Variants in PLEKHG7 observed in about 807,000 individuals in gnomAD.
The protein encoded by PLEKHG7 is pleckstrin homology domain-containing family G member 7.
In PLEKHG7, 77 loss-of-function variants were observed where a neutral mutation model predicts 85.2. The ratio of observed to expected loss-of-function variants is 0.90; its 90% CI spans 0.75 to 1.09. The LOEUF (loss-of-function observed/expected upper bound fraction) is 1.09, where lower values mean the gene tolerates loss of function less well. Among genes scored for constraint, PLEKHG7 ranks in the 50% least tolerant of loss-of-function variants. The pLI is 0.00. For missense variants in PLEKHG7, 777 were observed against 804.3 expected, an observed-to-expected ratio of 0.97 and a Z score of 0.41; for synonymous variants, 301 against 302.4, an observed-to-expected ratio of 1.00 and a Z score of 0.05.
At chr12:92,762,977 A>C (rs947003609) in intron 14 of PLEKHG7, among the ~76,000 whole-genome samples, 2 of 152,224 alleles carry the variant, frequency 1.3e-5, no homozygotes, top group African/African-American at 2.4e-5. Flanking sequence ...TAAGTTACTC[A>C]GACTAGCATG....
chr12:92,713,107 C>A (rs147236397), intron 3 of PLEKHG7, among the ~76,000 whole-genome samples: 1 of 152,170 alleles, frequency 6.6e-6, no homozygotes, highest in African/African-American at 2.4e-5. Flanking sequence ...CCAGCCTGGA[C>A]GGCAGAGCAA....
intron 5 of PLEKHG7, 42 bp from the exon 6 acceptor site, chr12:92,736,440 A>C: frequency 8.8e-7 from 1 of 1,132,748 alleles, no homozygotes. Flanking sequence ...GTCATTAAAG[A>C]ATCAATGTTT....
chr12:92,743,477 C>T (rs1006119476), intron 9 of PLEKHG7, among the ~76,000 whole-genome samples: 2 of 148,800 alleles, frequency 1.3e-5, no homozygotes, highest in African/African-American at 5.0e-5. Flanking sequence ...AGAGAGGTTA[C>T]ATAATTTAGC....
In PLEKHG7 at chr12:92,750,180, C is replaced by A. The variant is rs537496673; in HGVS notation, c.1252-3910C>A. 4.6e-5 allele frequency among the ~76,000 whole-genome samples: 7 copies of A among 151,908 alleles called. No homozygotes were observed. The South Asian group carries it at 1.5e-3, about 32-fold the overall frequency. On this transcript the variant is annotated intron_variant, in intron 10 of 16. Coordinates refer to ENST00000344636, the MANE Select transcript of PLEKHG7 (RefSeq NM_001377329.1). ...GGCCCTTGAATCCTTTCACAGTTCC[C>A]CTAAGCATATTGGATACTTATTATA...
intron 3 of PLEKHG7, among the ~76,000 whole-genome samples, chr12:92,718,753 G>T (rs749774718): frequency 2.0e-5 from 3 of 152,170 alleles, no homozygotes. Context: ...CCACAAGGGA[G>T]TATGTTGAGT....
chr12:92,757,764 T>A (rs1357516416), intron 13 of PLEKHG7, among the ~76,000 whole-genome samples: 2 of 152,132 alleles, frequency 1.3e-5, no homozygotes, highest in African/African-American at 4.8e-5. Flanking sequence ...GCTTCCAGAA[T>A]CAGAGCAACT....
chr12:92,770,226 A>G lies in PLEKHG7; in HGVS notation c.*31A>G. ...TAAAACAAGTGGCATGTCTTTTTAG[A>G]AGATTATGGTTTAAGGTATAATTTC... On this transcript the variant is annotated 3_prime_UTR_variant, in exon 17 of 17. Transcript: ENST00000344636. 1 of 1,442,480 alleles carries G rather than the reference A, an allele frequency of 6.9e-7. No homozygotes were observed. Among genetic ancestry groups the G allele is most frequent in the East Asian group, 2.3e-5 (1 of 43,676 alleles). 89.4% of individuals were successfully genotyped at this position (1,442,480 alleles called of 1,614,324 possible). A position where few individuals can be genotyped will look rare whatever the true frequency, so the allele number is the denominator to read the frequency against.
chr12:92,763,651 C>CA (rs556699993), intron 14 of PLEKHG7, among the ~76,000 whole-genome samples: 5 of 151,630 alleles, frequency 3.3e-5, no homozygotes, highest in Non-Finnish European at 7.4e-5. Flanking sequence ...CCCATCTCTA[C>CA]AAAAAAATTA....
rs1470759346 is a variant in PLEKHG7, at chr12:92,729,103, T to C, written c.641T>C (p.Leu214Pro). The change falls in exon 4 of 17, where the codon CTT becomes CCT. Residue 214 changes from leucine (L) to proline (P), a missense_variant. This residue lies in a region of PLEKHG7 where 5 missense variants were observed against 18.5 expected (regional missense o/e 0.27). Coordinates refer to ENST00000344636, the MANE Select transcript of PLEKHG7 (RefSeq NM_001377329.1). ...GCTGCTGATTACCTATGCCATCCAC[T>C]TCTGCTGCTGAATTCAGGTTCTGTT... ...DGAADYLCHP[L>P]LLLNSESKKP... The C allele has an allele frequency of 2.4e-6, 3 of 1,231,706 alleles. No individual in the cohort carries two copies. In the African/African-American group the frequency reaches 4.7e-5, roughly 19 times the overall value. 76.3% of individuals were successfully genotyped at this position (1,231,706 alleles called of 1,614,324 possible).
chr12:92,755,524 TA>T (rs1872801081), intron 11 of PLEKHG7, among the ~76,000 whole-genome samples: 3 of 152,216 alleles, frequency 2.0e-5, no homozygotes, highest in Admixed American at 2.0e-4. Flanking sequence ...CTGTGTGGTC[TA>T]GGGAATAAGA....
chr12:92,751,926 A>T (rs746472488), intron 10 of PLEKHG7, among the ~76,000 whole-genome samples: 4 of 152,036 alleles, frequency 2.6e-5, no homozygotes, highest in Non-Finnish European at 5.9e-5. Context: ...CTGAGGTGGG[A>T]GGACTGCTTG....
chr12:92,730,128 C>T (rs1871941390), intron 4 of PLEKHG7, among the ~76,000 whole-genome samples: 1 of 152,130 alleles, frequency 6.6e-6, no homozygotes, highest in Non-Finnish European at 1.5e-5. Flanking sequence ...CCAGGACCAC[C>T]AGTGAATACA....
Position 92,768,413 on chromosome 12 carries a change from T to C in PLEKHG7, c.1871-570T>C, listed in dbSNP as rs563343087. Among the ~76,000 whole-genome samples, 4 of 152,260 alleles carry C rather than the reference T, an allele frequency of 2.6e-5. No homozygotes were observed. In the East Asian group the frequency reaches 7.7e-4, roughly 29 times the overall value. ...ACACAGAAACCATGCCAATGTCTCT[T>C]TTTGTTTTGTTTTACATTTCACCCA... On this transcript the variant is annotated intron_variant, in intron 15 of 16. Transcript: ENST00000344636.
rs1385222525 is a variant in PLEKHG7, at chr12:92,762,464, T to C, written c.1716+633T>C. Among the ~76,000 whole-genome samples the C allele has an allele frequency of 8.5e-5, 13 of 152,320 alleles. No homozygotes were observed. The East Asian group carries it at 2.5e-3, about 29-fold the overall frequency. ...AGAGCTACAAAATCTCTATAGGGAA[T>C]AGGGATTTTTTTCACGTTACTTAAG... On this transcript the variant is annotated intron_variant, in intron 14 of 16. Transcript: ENST00000344636.
At chr12:92,746,496 T>C (rs1872537151) in intron 10 of PLEKHG7, among the ~76,000 whole-genome samples, 1 of 152,232 alleles carries the variant, frequency 6.6e-6, no homozygotes, top group Admixed American at 6.5e-5. Flanking sequence ...TTCAGCCCTT[T>C]AGTGTTTTTT....
chr12:92,763,811 C>A (rs1487757680), intron 14 of PLEKHG7, among the ~76,000 whole-genome samples: 1 of 151,642 alleles, frequency 6.6e-6, no homozygotes, highest in Non-Finnish European at 1.5e-5. Context: ...AGAGTGAGAC[C>A]CTGTCTCAAG....
chr12:92,742,559 G>A (rs1162410889), intron 9 of PLEKHG7, among the ~76,000 whole-genome samples: 1 of 149,592 alleles, frequency 6.7e-6, no homozygotes, highest in Non-Finnish European at 1.5e-5. Flanking sequence ...GCTTAAGTAA[G>A]AAAATCTTTG....
At chr12:92,748,320 C>T (rs1185601960) in intron 10 of PLEKHG7, among the ~76,000 whole-genome samples, 1 of 151,086 alleles carries the variant, frequency 6.6e-6, no homozygotes, top group Non-Finnish European at 1.5e-5. Context: ...AATCTCAGCT[C>T]GCTGCAACCT....
At chr12:92,768,774 T>A (rs1194382958) in intron 15 of PLEKHG7, among the ~76,000 whole-genome samples, 2 of 152,108 alleles carry the variant, frequency 1.3e-5, no homozygotes, top group African/African-American at 4.8e-5. Flanking sequence ...AGGGTTTTTA[T>A]AGTAGAGTAG....
Sources: gnomAD v4.1 joint callset for allele counts (sites outside exome capture counted in the v4.1 genomes callset) on GRCh38, gnomAD v4.1.1 for gene constraint, gnomAD v4.1.1 regional missense constraint, MANE v1.5 for transcripts, NCBI Gene and HGNC (gene_info 2026-07-23, HGNC 2026-07-21) for gene names.